Variants in AFG3L2 observed in about 807,000 individuals in gnomAD.
The protein encoded by AFG3L2 is AFG3 like matrix AAA peptidase subunit 2.
In AFG3L2, 54 loss-of-function variants were observed where a neutral mutation model predicts 94.5. The observed-to-expected ratio is 0.57, with a 90% CI of 0.46 to 0.72. AFG3L2 has a LOEUF of 0.72. Ranked by LOEUF, AFG3L2 falls within the 30% of genes least tolerant of loss-of-function variation. The pLI, the probability that AFG3L2 is intolerant of heterozygous loss-of-function variation, is 0.00. For synonymous variants in AFG3L2, 377 were observed against 365.5 expected (o/e 1.03, Z -0.36); for missense variants, 754 against 994.9 (o/e 0.76, Z 3.26).
intron 6 of AFG3L2, among the ~76,000 whole-genome samples, chr18:12,360,700 C>G (rs930863529): frequency 4.6e-5 from 7 of 152,216 alleles, no homozygotes; most frequent in Admixed American, 4.6e-4. Flanking sequence ...CAAGGCTATT[C>G]TACCAATCAG....
chr18:12,345,384 T>C (rs576737888), intron 13 of AFG3L2, among the ~76,000 whole-genome samples: 3 of 152,206 alleles, frequency 2.0e-5, no homozygotes, highest in Non-Finnish European at 4.4e-5. Context: ...CATCACACAG[T>C]GGCAAAAGTA....
chr18:12,377,108 C>A lies in AFG3L2; in HGVS notation c.-26G>T. The A allele has an allele frequency of 7.3e-7, 1 of 1,375,688 alleles. No homozygotes were observed. Among genetic ancestry groups the A allele is most frequent in the South Asian group, 1.5e-5 (1 of 67,266 alleles). The allele number at this position is 1,375,688 out of a possible 1,614,324, so 85.2% of individuals were successfully genotyped here. A position where few individuals can be genotyped will look rare whatever the true frequency, so the allele number is the denominator to read the frequency against. On this transcript the variant is annotated 5_prime_UTR_variant, in exon 1 of 17. Transcript: ENST00000269143. The stretch of plus-strand genomic sequence containing the variant: ...GGCCGCCGCCGTGGCCCTCTCGGCC[C>A]GGGACGCTGCGCAGGCGCGGGCAGG...
intron 1 of AFG3L2, among the ~76,000 whole-genome samples, chr18:12,375,397 C>G (rs1357229500): frequency 1.4e-5 from 2 of 145,810 alleles, no homozygotes; most frequent in Non-Finnish European, 3.0e-5. Context: ...TCATAAGTCA[C>G]TGAGCCCAGG....
chr18:12,370,589 C>T (rs1355948982), intron 3 of AFG3L2, among the ~76,000 whole-genome samples: 3 of 151,004 alleles, frequency 2.0e-5, no homozygotes, highest in Non-Finnish European at 4.4e-5. Flanking sequence ...TCCCAGGTAG[C>T]TGGGACTACA....
intron 13 of AFG3L2, among the ~76,000 whole-genome samples, chr18:12,346,562 A>ACC (rs1908143004): frequency 6.6e-6 from 1 of 152,040 alleles, no homozygotes; most frequent in Non-Finnish European, 1.5e-5. Flanking sequence ...CTCTGCCTCC[A>ACC]TCCAGAGGCT....
chr18:12,360,170 A>G (rs1908616038), intron 6 of AFG3L2, 119 bp from the exon 7 acceptor site: 1 of 928,722 alleles, frequency 1.1e-6, no homozygotes. Flanking sequence ...AAATTAAAGA[A>G]TAAACAATAA....
Position 12,353,170 on chromosome 18 carries a change from CAGAA to C in AFG3L2, c.1165-16_1165-13del, listed in dbSNP as rs767241677. 3.1e-6 allele frequency: 5 copies of C among 1,613,780 alleles called. No homozygotes were observed. The highest frequency in any genetic ancestry group is 3.3e-5 in the Admixed American group (2 of 60,004). ...AATAAGTCTCGGACCTTGGCAAAAACAGAAAGAGAGTCACCTGACCAGAGAATAT... is the reference window on the plus strand; with the variant it reads ...AATAAGTCTCGGACCTTGGCAAAAACAGAGAGTCACCTGACCAGAGAATAT... On this transcript the variant is annotated splice_polypyrimidine_tract_variant and intron_variant, in intron 9 of 16. Coordinates refer to ENST00000269143, the MANE Select transcript of AFG3L2 (RefSeq NM_006796.3).
At chr18:12,342,459 T>C (rs1858405660) in intron 14 of AFG3L2, 1 of 152,236 alleles carries the variant, frequency 6.6e-6, no homozygotes, top group Non-Finnish European at 1.5e-5. Context: ...TCCTTTGTCC[T>C]GTATATGTAC....
chr18:12,329,718 G>C lies in AFG3L2; in HGVS notation c.2241C>G (p.Pro747=), dbSNP rs759071105. 6.2e-7 allele frequency: 1 copy of C among 1,614,142 alleles called. No individual in the cohort carries two copies. The highest frequency in any genetic ancestry group is 1.7e-5 in the Admixed American group (1 of 60,008). ...DKNDMVELLG[P]RPFAEKSTYE... ...AGGTAGATTTTTCCGCAAATGGTCT[G>C]GGGCCCAAAAGTTCAACCATATCAT... Residue 747 remains proline (P), a synonymous_variant, in exon 17 of 17, where the codon CCC becomes CCG. Transcript: ENST00000269143.
intron 13 of AFG3L2, among the ~76,000 whole-genome samples, chr18:12,344,852 C>T (rs1350779726): frequency 6.6e-6 from 1 of 152,166 alleles, no homozygotes; most frequent in African/African-American, 2.4e-5. Flanking sequence ...AAGCCACACA[C>T]CCTGTGTTTT....
intron 6 of AFG3L2, among the ~76,000 whole-genome samples, chr18:12,362,043 T>C (rs1908677313): frequency 6.6e-6 from 1 of 152,244 alleles, no homozygotes; most frequent in Non-Finnish European, 1.5e-5. Context: ...GAACACAATC[T>C]AGATAAGAAC....
At chr18:12,333,005 A>AT (rs1568131986) in intron 16 of AFG3L2, among the ~76,000 whole-genome samples, 2 of 69,582 alleles carry the variant, frequency 2.9e-5, no homozygotes, top group Non-Finnish European at 6.2e-5. Context: ...AATTATATAT[A>AT]ATATAAAATA....
intron 8 of AFG3L2, among the ~76,000 whole-genome samples, chr18:12,358,298 C>G (rs1908555392): frequency 6.6e-6 from 1 of 152,200 alleles, no homozygotes; most frequent in African/African-American, 2.4e-5. Context: ...GCACAGGTGT[C>G]CTGTCCACAT....
chr18:12,337,395 A>G lies in AFG3L2; in HGVS notation c.2121T>C (p.Asp707=), dbSNP rs760977511. The G allele has an allele frequency of 1.9e-6, 3 of 1,614,084 alleles. No homozygotes were observed. Among genetic ancestry groups the G allele is most frequent in the East Asian group, 2.2e-5 (1 of 44,904 alleles). Residue 707 remains aspartate, a synonymous_variant, in exon 16 of 17, where the codon GAT becomes GAC. Coordinates refer to ENST00000269143, the MANE Select transcript of AFG3L2 (RefSeq NM_006796.3). ...IDDEVRILIN[D]AYKRTVALLT... ...GAAGAGCTACTGTTCTTTTATAAGC[A>G]TCATTAATAAGTATTCGTACTTCAT...
Position 12,340,297 on chromosome 18 carries a change from A to T in AFG3L2, c.1884T>A (p.Thr628=). 8.1e-6 allele frequency: 13 copies of T among 1,614,168 alleles called. No individual in the cohort carries two copies. Among genetic ancestry groups the T allele is most frequent in the Non-Finnish European group, 8.5e-6 (10 of 1,180,004 alleles). Residue 628 remains threonine, a synonymous_variant, in exon 15 of 17, where the codon ACT becomes ACA. Coordinates refer to ENST00000269143, the MANE Select transcript of AFG3L2 (RefSeq NM_006796.3). Reference sequence around the variant, plus strand: ...TTTCTTCAGAGACTCGACCACCTAAAGTCATACACATCCTATCCAAGAGCT... The same window carrying T: ...TTTCTTCAGAGACTCGACCACCTAATGTCATACACATCCTATCCAAGAGCT... The part of the protein sequence containing the change: ...KEQLLDRMCM[T]LGGRVSEEIF...
chr18:12,376,718 C>T (rs1477358120), intron 1 of AFG3L2, among the ~76,000 whole-genome samples: 4 of 152,258 alleles, frequency 2.6e-5, no homozygotes, highest in Non-Finnish European at 5.9e-5. Context: ...CTTCAACCGC[C>T]CCGGTGAAGC....
chr18:12,337,629 G>C, intron 15 of AFG3L2, 94 bp from the exon 16 acceptor site: 1 of 1,178,134 alleles, frequency 8.5e-7, no homozygotes, highest in Non-Finnish European at 1.2e-6. Context: ...AGTGCACAAA[G>C]GTGCTCTGTG....
intron 16 of AFG3L2, among the ~76,000 whole-genome samples, chr18:12,331,086 G>A (rs1427781459): frequency 1.3e-5 from 2 of 152,190 alleles, no homozygotes; most frequent in Non-Finnish European, 2.9e-5. Context: ...TGGTGGTCCC[G>A]TAAGATTATA....
intron 15 of AFG3L2, among the ~76,000 whole-genome samples, chr18:12,337,738 C>G (rs537553184): frequency 3.3e-5 from 5 of 152,138 alleles, no homozygotes; most frequent in African/African-American, 1.2e-4. Context: ...AAAGTTAGGA[C>G]GCAAATCCCA....
Sources: allele counts gnomAD v4.1 joint callset (sites outside exome capture counted in the v4.1 genomes callset), GRCh38; gene constraint gnomAD v4.1.1; transcripts MANE v1.5; gene names NCBI Gene and HGNC (gene_info 2026-07-23, HGNC 2026-07-21).